The following CHST12 variants were observed in gnomAD, a reference collection of about 807,000 sequenced individuals.
CHST12 encodes the protein carbohydrate (chondroitin 4) sulfotransferase 12.
A neutral mutation model predicts 27.9 loss-of-function variants in CHST12; 23 were observed. The ratio of observed to expected loss-of-function variants is 0.82; its 90% confidence interval spans 0.59 to 1.17. The LOEUF is 1.17. CHST12 is among the 50% of genes most tolerant of loss of function. The probability of loss-of-function intolerance (pLI) is 0.00; values close to 1 mark genes in which losing one functional copy is unlikely to be tolerated. For synonymous variants in CHST12, 322 were observed against 273.0 expected, an observed-to-expected ratio of 1.18 and a Z score of -1.77; for missense variants, 682 against 603.0, an observed-to-expected ratio of 1.13 and a Z score of -1.37.
At chr7:2,429,720 T>C (rs1001946880) in intron 1 of CHST12, among the ~76,000 whole-genome samples, 6 of 152,188 alleles carry the variant, frequency 3.9e-5, no homozygotes, top group African/African-American at 1.4e-4. Context: ...ATTTCATTCC[T>C]TGTCTTGTTC....
intron 1 of CHST12, among the ~76,000 whole-genome samples, chr7:2,419,505 G>T (rs1321507826): frequency 1.3e-5 from 2 of 148,992 alleles, no homozygotes; most frequent in Non-Finnish European, 3.0e-5. Flanking sequence ...TCAGGAGTCC[G>T]AGACCAGCCT....
Position 2,441,756 on chromosome 7 carries a change from G to T in CHST12, c.*7872G>T, listed in dbSNP as rs1417957930. The T allele has an allele frequency of 1.3e-5, 2 of 151,406 alleles. No individual in the cohort carries two copies. Among genetic ancestry groups the T allele is most frequent in the African/African-American group, 4.9e-5 (2 of 41,182 alleles). The allele number at this position is 151,406 out of a possible 1,614,324, so 9.4% of individuals were successfully genotyped here. A position where few individuals can be genotyped will look rare whatever the true frequency, so the allele number is the denominator to read the frequency against. On this transcript the variant is annotated 3_prime_UTR_variant, in exon 2 of 2. Coordinates refer to ENST00000618655, the MANE Select transcript of CHST12 (RefSeq NM_018641.5). ...TTAGAAGGCCATCCTGTTTAGAAGAGTGGGTTTCTCATAAGAAAAAAAAGA... is the reference window on the plus strand; with the variant it reads ...TTAGAAGGCCATCCTGTTTAGAAGATTGGGTTTCTCATAAGAAAAAAAAGA...
At position 2,435,392 on chromosome 7, in the gene CHST12, T is replaced by C. The variant is rs955627649; in HGVS notation, c.*1508T>C. On this transcript the variant is annotated 3_prime_UTR_variant, in exon 2 of 2. Transcript: ENST00000618655. The stretch of plus-strand genomic sequence containing the variant: ...CCGTGTGACTGTCTCTGTGGCTTTC[T>C]GGTTGGTTTAGCTCCAGTGCCTTCA... 3.3e-5 allele frequency: 5 copies of C among 152,270 alleles called. No individual in the cohort carries two copies. The highest frequency in any genetic ancestry group is 1.2e-4 in the African/African-American group (5 of 41,454). 9.4% of individuals were successfully genotyped at this position (152,270 alleles called of 1,614,324 possible).
rs1431449304 is a variant in CHST12, at chr7:2,432,670, C to T, written c.31C>T (p.Leu11=). 2 of 1,611,742 alleles carry T rather than the reference C, an allele frequency of 1.2e-6. No homozygotes were observed. Among genetic ancestry groups the T allele is most frequent in the Non-Finnish European group, 8.5e-7 (1 of 1,178,354 alleles). MTKARLFRLW[L]VLGSVFMILL... ...CAAGGCCCGGCTGTTCCGGCTGTGG[C>T]TGGTGCTGGGGTCGGTGTTCATGAT... Residue 11 remains leucine, a synonymous_variant, in exon 2 of 2, where the codon CTG becomes TTG. Coordinates refer to ENST00000618655, the MANE Select transcript of CHST12 (RefSeq NM_018641.5).
intron 1 of CHST12, among the ~76,000 whole-genome samples, chr7:2,413,606 T>G (rs1781724952): frequency 6.6e-6 from 1 of 152,080 alleles, no homozygotes; most frequent in Non-Finnish European, 1.5e-5. Flanking sequence ...GAACATGCAG[T>G]CTTTTACGTC....
At chr7:2,413,663 G>A (rs1045725125) in intron 1 of CHST12, among the ~76,000 whole-genome samples, 4 of 150,976 alleles carry the variant, frequency 2.6e-5, no homozygotes, top group East Asian at 2.0e-4. Flanking sequence ...CCATGAATCA[G>A]CACTTCACCC....
Position 2,448,473 on chromosome 7 carries a change from A to T in CHST12, c.*14589A>T, listed in dbSNP as rs1343732150. On this transcript the variant is annotated 3_prime_UTR_variant, in exon 2 of 2. Coordinates refer to ENST00000618655, the MANE Select transcript of CHST12 (RefSeq NM_018641.5). ...TGCAGCTGGATCTCAGTAAATGGCAATGTCTTCTCTACCCGGGACTGAACA... is the reference window on the plus strand; with the variant it reads ...TGCAGCTGGATCTCAGTAAATGGCATTGTCTTCTCTACCCGGGACTGAACA... 6 of 152,274 alleles carry T rather than the reference A, an allele frequency of 3.9e-5. No individual in the cohort carries two copies. Among genetic ancestry groups the T allele is most frequent in the Admixed American group, 3.9e-4 (6 of 15,268 alleles). 9.4% of individuals were successfully genotyped at this position (152,274 alleles called of 1,614,324 possible). A position where few individuals can be genotyped will look rare whatever the true frequency, so the allele number is the denominator to read the frequency against.
intron 1 of CHST12, among the ~76,000 whole-genome samples, chr7:2,422,114 C>T (rs575754220): frequency 2.6e-5 from 4 of 152,326 alleles, no homozygotes; most frequent in South Asian, 2.1e-4. Flanking sequence ...TGGCCTCTGG[C>T]GTCTGCCTAT....
At chr7:2,428,321 A>T (rs1457159293) in intron 1 of CHST12, among the ~76,000 whole-genome samples, 2 of 151,556 alleles carry the variant, frequency 1.3e-5, no homozygotes, top group East Asian at 3.9e-4. Context: ...CAGCCTCCTG[A>T]GTATCTGGGA....
Position 2,442,117 on chromosome 7 carries a change from C to T in CHST12, c.*8233C>T, listed in dbSNP as rs937516485. 2.0e-5 allele frequency: 3 copies of T among 152,176 alleles called. No individual in the cohort carries two copies. Among genetic ancestry groups the T allele is most frequent in the Non-Finnish European group, 4.4e-5 (3 of 68,044 alleles). The allele number at this position is 152,176 out of a possible 1,614,324, so 9.4% of individuals were successfully genotyped here. On this transcript the variant is annotated 3_prime_UTR_variant, in exon 2 of 2. Coordinates refer to ENST00000618655, the MANE Select transcript of CHST12 (RefSeq NM_018641.5). ...CCTGTCTCTGAGTTTGACTAGGGAC[C>T]TCCTGTAAGTGGATTTGTACAATAT...
intron 1 of CHST12, among the ~76,000 whole-genome samples, chr7:2,427,853 G>A (rs1782168081): frequency 6.6e-6 from 1 of 151,918 alleles, no homozygotes; most frequent in African/African-American, 2.4e-5. Flanking sequence ...GTCTTGCTCT[G>A]TCACCCAGGC....
Position 2,447,848 on chromosome 7 carries a change from A to G in CHST12, c.*13964A>G, listed in dbSNP as rs969380366. 1 of 151,724 alleles carries G rather than the reference A, an allele frequency of 6.6e-6. No homozygotes were observed. The highest frequency in any genetic ancestry group is 2.4e-5 in the African/African-American group (1 of 41,314). The allele number at this position is 151,724 out of a possible 1,614,324, so 9.4% of individuals were successfully genotyped here. On this transcript the variant is annotated 3_prime_UTR_variant, in exon 2 of 2. Coordinates refer to ENST00000618655, the MANE Select transcript of CHST12 (RefSeq NM_018641.5). ...TTAAGAAATAAAGAATGGCTATTCC[A>G]TAGGGAGAGCAGCCTGAATAAACAC...
In CHST12 at chr7:2,441,149, G is replaced by C. The variant is rs1346423617; in HGVS notation, c.*7265G>C. On this transcript the variant is annotated 3_prime_UTR_variant, in exon 2 of 2. Transcript: ENST00000618655. ...CCACAGGGCCCGAGGGAAGAGCAGAGCAAGAGGGAGGAGCGCGTGGAGCCC... is the reference window on the plus strand; with the variant it reads ...CCACAGGGCCCGAGGGAAGAGCAGACCAAGAGGGAGGAGCGCGTGGAGCCC... 6.6e-6 allele frequency: 1 copy of C among 152,420 alleles called. No individual in the cohort carries two copies. The highest frequency in any genetic ancestry group is 1.5e-5 in the Non-Finnish European group (1 of 68,240). The allele number at this position is 152,420 out of a possible 1,614,324, so 9.4% of individuals were successfully genotyped here. A position where few individuals can be genotyped will look rare whatever the true frequency, so the allele number is the denominator to read the frequency against.
At chr7:2,415,313 C>T (rs993688598) in intron 1 of CHST12, among the ~76,000 whole-genome samples, 1 of 149,564 alleles carries the variant, frequency 6.7e-6, no homozygotes, top group Non-Finnish European at 1.5e-5. Context: ...TGCAGTGAGC[C>T]GAGATTGTGC....
intron 1 of CHST12, among the ~76,000 whole-genome samples, chr7:2,405,474 T>C (rs1781498535): frequency 6.6e-6 from 1 of 152,148 alleles, no homozygotes; most frequent in South Asian, 2.1e-4. Context: ...TGCAGGGGCC[T>C]GAATGCTGTG....
At chr7:2,410,782 C>T (rs1432352309) in intron 1 of CHST12, among the ~76,000 whole-genome samples, 2 of 151,938 alleles carry the variant, frequency 1.3e-5, no homozygotes, top group African/African-American at 4.8e-5. Flanking sequence ...TGGAGAGGGT[C>T]GCCGAGGGGG....
At chr7:2,428,513 G>A (rs1257157275) in intron 1 of CHST12, among the ~76,000 whole-genome samples, 5 of 152,152 alleles carry the variant, frequency 3.3e-5, no homozygotes, top group African/African-American at 4.8e-5. Flanking sequence ...GGGGGTGACC[G>A]CCTTCTGGTC....
intron 1 of CHST12, among the ~76,000 whole-genome samples, chr7:2,411,749 T>C (rs1363347172): frequency 4.6e-5 from 7 of 152,206 alleles, no homozygotes; most frequent in African/African-American, 1.7e-4. Flanking sequence ...CCCAAAGTGC[T>C]GGGATTACAG....
chr7:2,440,991 C>A lies in CHST12; in HGVS notation c.*7107C>A, dbSNP rs1025939728. ...GCACCATCCTTGCTTAGGAGAGACA[C>A]GGCTGTGGCTCTCAGGCTGTGGGGC... On this transcript the variant is annotated 3_prime_UTR_variant, in exon 2 of 2. Transcript: ENST00000618655. 6.6e-6 allele frequency: 1 copy of A among 152,170 alleles called. No homozygotes were observed. Among genetic ancestry groups the A allele is most frequent in the African/African-American group, 2.4e-5 (1 of 41,438 alleles). The allele number at this position is 152,170 out of a possible 1,614,324, so 9.4% of individuals were successfully genotyped here.
Sources: gnomAD v4.1 joint callset for allele counts (sites outside exome capture counted in the v4.1 genomes callset) on GRCh38, gnomAD v4.1.1 for gene constraint, MANE v1.5 for transcripts, NCBI Gene and HGNC (gene_info 2026-07-23, HGNC 2026-07-21) for gene names.